The following NRG1 variants were observed in gnomAD, a reference collection of about 807,000 sequenced individuals.
NRG1 encodes the protein pro-neuregulin-1, membrane-bound isoform.
A neutral mutation model predicts 63.8 loss-of-function variants in NRG1; 18 were observed. The ratio of observed to expected loss-of-function variants is 0.28; its 90% CI spans 0.19 to 0.42. The LOEUF (loss-of-function observed/expected upper bound fraction) is 0.42, where lower values mean the gene tolerates loss of function less well. Among genes scored for constraint, NRG1 ranks in the 10% least tolerant of loss-of-function variants. The pLI, the probability that NRG1 is intolerant of heterozygous loss-of-function variation, is 1.00. For synonymous variants in NRG1, 302 were observed against 301.3 expected (o/e 1.00, Z -0.02); for missense variants, 762 against 814.7 (o/e 0.94, Z 0.79).
intron 1 of NRG1, among the ~76,000 whole-genome samples, chr8:32,472,526 AC>A (rs1823982331): frequency 6.6e-6 from 1 of 152,218 alleles, no homozygotes; most frequent in South Asian, 2.1e-4. Context: ...TGCATTTAGT[AC>A]ACATTCATCT....
intron 1 of NRG1, among the ~76,000 whole-genome samples, chr8:32,586,410 A>C (rs916052320): frequency 3.3e-5 from 5 of 152,120 alleles, no homozygotes; most frequent in Non-Finnish European, 7.4e-5. Flanking sequence ...CAGGGTGAAA[A>C]ATTATCTCAC....
At chr8:32,098,251 A>G (rs979592186) in intron 1 of NRG1, among the ~76,000 whole-genome samples, 20 of 152,214 alleles carry the variant, frequency 1.3e-4, no homozygotes, top group African/African-American at 3.9e-4. Context: ...TCTGGACAGG[A>G]TAGTTGCAGA....
At chr8:32,724,457 C>T (rs1234344522) in intron 5 of NRG1, among the ~76,000 whole-genome samples, 1 of 152,088 alleles carries the variant, frequency 6.6e-6, no homozygotes, top group Non-Finnish European at 1.5e-5. Context: ...CCGGCTTTGT[C>T]GGTTTCATTA....
chr8:32,470,841 C>A (rs184133477), intron 1 of NRG1, among the ~76,000 whole-genome samples: 1 of 151,984 alleles, frequency 6.6e-6, no homozygotes, highest in Admixed American at 6.6e-5. Context: ...TGCTCTGTAA[C>A]CCAGTGGGGA....
rs117996403 is a variant in NRG1 at position 32,711,321 on chromosome 8, T to C, written c.503-16628T>C. 5.9e-5 allele frequency among the ~76,000 whole-genome samples: 9 copies of C among 152,038 alleles called. No homozygotes were observed. The East Asian group carries it at 1.4e-3, about 23-fold the overall frequency. ...AAATGCTAGAATGTCTGGCACATAG[T>C]AGATATTTAATGAATGTCAGTTTAT... On this transcript the variant is annotated intron_variant, in intron 5 of 11. Transcript: ENST00000356819.
chr8:31,686,491 C>T (rs1808906971), intron 1 of NRG1, among the ~76,000 whole-genome samples: 1 of 151,886 alleles, frequency 6.6e-6, no homozygotes, highest in Non-Finnish European at 1.5e-5. Context: ...TTTTAAAATT[C>T]TCACTTCAAC....
chr8:31,748,409 G>T (rs1437642677), intron 1 of NRG1, among the ~76,000 whole-genome samples: 2 of 152,016 alleles, frequency 1.3e-5, no homozygotes, highest in African/African-American at 4.8e-5. Flanking sequence ...GGTCACAAGT[G>T]ATTGGGCCAA....
rs73590454 is a variant in NRG1, at chr8:32,074,632, A to G, written c.37+435201A>G. Among the ~76,000 whole-genome samples, 697 of 152,302 alleles carry G rather than the reference A, an allele frequency of 4.6e-3. 3 individuals carry two copies. The highest frequency in any genetic ancestry group is 0.016 in the African/African-American group (670 of 41,570). On this transcript the variant is annotated intron_variant, in intron 1 of 10. Coordinates refer to the NRG1 transcript ENST00000519301. ...GGAATTAAGAGTATCTAGTTGATTT[A>G]GTAGCTATATTTCTCTTCTTTAGCC... is the stretch of plus-strand genomic sequence containing the variant.
At chr8:31,695,182 T>G (rs1179857698) in intron 1 of NRG1, among the ~76,000 whole-genome samples, 2 of 152,094 alleles carry the variant, frequency 1.3e-5, no homozygotes, top group Admixed American at 6.5e-5. Context: ...ATTTATTTAT[T>G]TTTTTGAGGC....
At chr8:32,598,385 T>C (rs557874581) in intron 2 of NRG1, among the ~76,000 whole-genome samples, 2 of 152,162 alleles carry the variant, frequency 1.3e-5, no homozygotes, top group African/African-American at 4.8e-5. Flanking sequence ...AAAAGTGAAC[T>C]GACTAGAATG....
intron 1 of NRG1, among the ~76,000 whole-genome samples, chr8:31,877,840 C>T (rs146803229): frequency 2.4e-4 from 36 of 152,250 alleles, no homozygotes; most frequent in African/African-American, 8.7e-4. Flanking sequence ...AAAAGGAATC[C>T]TCCTGCTTCT....
intron 1 of NRG1, among the ~76,000 whole-genome samples, chr8:32,389,645 A>G (rs538796487): frequency 6.6e-6 from 1 of 152,154 alleles, no homozygotes; most frequent in Admixed American, 6.5e-5. Context: ...ATGGTCTCCT[A>G]CTTTCTGGTC....
intron 5 of NRG1, among the ~76,000 whole-genome samples, chr8:32,662,739 G>C (rs1803174177): frequency 6.6e-6 from 1 of 152,258 alleles, no homozygotes; most frequent in Non-Finnish European, 1.5e-5. Flanking sequence ...TATGGGATTT[G>C]AGTGAGAGGA....
At chr8:32,448,439 G>A (rs10103930) in intron 1 of NRG1, among the ~76,000 whole-genome samples, 79,751 of 152,008 alleles carry the variant, frequency 0.52, 21,536 homozygotes, top group Non-Finnish European at 0.55. Context: ...TGAATTTGAC[G>A]TTTTCATAAT....
At chr8:31,699,895 G>A (rs1810462657) in intron 1 of NRG1, among the ~76,000 whole-genome samples, 1 of 152,068 alleles carries the variant, frequency 6.6e-6, no homozygotes, top group South Asian at 2.1e-4. Context: ...AAGGGAACAG[G>A]GATGCTGGAA....
intron 1 of NRG1, among the ~76,000 whole-genome samples, chr8:32,404,585 C>CTTTT (rs35437908): frequency 0.11 from 12,654 of 116,686 alleles, 1,055 homozygotes; most frequent in Non-Finnish European, 0.16. Context: ...TCTTCTTCAT[C>CTTTT]TTTTTTTTTT....
intron 1 of NRG1, among the ~76,000 whole-genome samples, chr8:32,339,805 C>A (rs548858342): frequency 2.2e-4 from 34 of 152,204 alleles, no homozygotes; most frequent in African/African-American, 7.5e-4. Context: ...TATTCCTCAG[C>A]TGGTTGTTGG....
chr8:31,672,785 C>T (rs1050452853), intron 1 of NRG1, among the ~76,000 whole-genome samples: 2 of 152,008 alleles, frequency 1.3e-5, no homozygotes, highest in African/African-American at 4.8e-5. Context: ...TTGGCATCCT[C>T]GAGTAATGAG....
chr8:32,048,747 G>A (rs1171866105), intron 1 of NRG1, among the ~76,000 whole-genome samples: 13 of 151,718 alleles, frequency 8.6e-5, no homozygotes, highest in African/African-American at 2.4e-4. Flanking sequence ...TCATATGCCC[G>A]ATGGCCACTT....
Sources: allele counts gnomAD v4.1 joint callset (sites outside exome capture counted in the v4.1 genomes callset), GRCh38; gene constraint gnomAD v4.1.1; transcripts MANE v1.5; gene names NCBI Gene and HGNC (gene_info 2026-07-23, HGNC 2026-07-21).